The following AP1S1 variants were observed in gnomAD, a reference collection of about 807,000 sequenced individuals.
The protein encoded by AP1S1 is AP-1 complex subunit sigma-1A.
In AP1S1, 13 loss-of-function variants were observed where a neutral mutation model predicts 23.9. The observed-to-expected ratio is 0.54, with a 90% CI of 0.35 to 0.86. The LOEUF (loss-of-function observed/expected upper bound fraction) is 0.86. Among genes scored for constraint, AP1S1 ranks in the 40% least tolerant of loss-of-function variants. AP1S1 has a pLI of 0.01. For missense variants in AP1S1, 119 were observed against 197.6 expected (o/e 0.60, Z 2.38); for synonymous variants, 84 against 77.7 (o/e 1.08, Z -0.43).
Position 101,157,487 on chromosome 7 carries a change from T to A in AP1S1, c.291+2T>A, listed in dbSNP as rs1310110289. 7.7e-6 allele frequency: 12 copies of A among 1,550,586 alleles called. No individual in the cohort carries two copies. The Admixed American group carries it at 2.1e-4, about 28-fold the overall frequency. The stretch of plus-strand genomic sequence containing the variant: ...CTCTTAGACAAATACTTTGGCAGTG[T>A]AAGTCTCCTCTGCCCACCAGTTTCC... On this transcript the variant is annotated splice_donor_variant, in intron 3 of 4. Transcript: ENST00000337619. LOFTEE classifies it high-confidence loss of function.
chr7:101,154,786 G>C, intron 1 of AP1S1: 2 of 765,046 alleles, frequency 2.6e-6, no homozygotes, highest in Non-Finnish European at 3.9e-6. Context: ...GGGGCGCTCT[G>C]GTCTTGGCCC....
At chr7:101,158,991 C>T (rs776197730) in intron 3 of AP1S1, 68 bp from the exon 4 acceptor site, 20 of 1,582,662 alleles carry the variant, frequency 1.3e-5, no homozygotes, top group Middle Eastern at 1.7e-4. Flanking sequence ...GTGGGAGGCA[C>T]GGTCTTGAAA....
chr7:101,158,617 C>A (rs1797033123), intron 3 of AP1S1, among the ~76,000 whole-genome samples: 2 of 152,098 alleles, frequency 1.3e-5, no homozygotes, highest in Admixed American at 1.3e-4. Context: ...AAAACTGATC[C>A]AAGGCAAGGC....
At chr7:101,156,014 G>A (rs1796985938) in intron 1 of AP1S1, among the ~76,000 whole-genome samples, 1 of 152,162 alleles carries the variant, frequency 6.6e-6, no homozygotes, top group South Asian at 2.1e-4. Flanking sequence ...TGGATCACCT[G>A]AGGTCGGGAG....
chr7:101,160,825 T>G lies in AP1S1; in HGVS notation c.*259T>G. On this transcript the variant is annotated 3_prime_UTR_variant, in exon 5 of 5. Transcript: ENST00000337619. ...GACCCAGATGGGGGTGCTATTTGGC[T>G]TTTATTCCCTGCCTTTGCAGAACTG... The G allele has an allele frequency of 1.5e-6, 1 of 672,126 alleles. No homozygotes were observed. Among genetic ancestry groups the G allele is most frequent in the African/African-American group, 1.8e-5 (1 of 56,638 alleles). 41.6% of individuals were successfully genotyped at this position (672,126 alleles called of 1,614,324 possible).
intron 1 of AP1S1, among the ~76,000 whole-genome samples, chr7:101,155,969 G>T (rs1324322675): frequency 6.7e-6 from 1 of 149,542 alleles, no homozygotes; most frequent in Non-Finnish European, 1.5e-5. Flanking sequence ...AGTGGCTCAT[G>T]CCTTAATGCC....
chr7:101,156,563 AC>A, intron 1 of AP1S1, 30 bp from the exon 2 acceptor site: 1 of 1,592,822 alleles, frequency 6.3e-7, no homozygotes, highest in South Asian at 1.1e-5. Flanking sequence ...ATGTGTGGTT[AC>A]CCTCGGTTCT....
At chr7:101,154,784 C>G in intron 1 of AP1S1, 1 of 761,922 alleles carries the variant, frequency 1.3e-6, no homozygotes, top group Non-Finnish European at 2.0e-6. Flanking sequence ...GAGGGGCGCT[C>G]TGGTCTTGGC....
intron 1 of AP1S1, chr7:101,155,125 C>A: frequency 1.3e-6 from 1 of 786,854 alleles, no homozygotes; most frequent in Non-Finnish European, 1.5e-6. Context: ...CATTCTCTTT[C>A]CGGAATCCAG....
rs540905960 is a variant in AP1S1, at chr7:101,155,957, G to A, written c.4-637G>A. ...TAATAGTAATAACTAACGGCCGGGC[G>A]CAGTGGCTCATGCCTTAATGCCAGC... On this transcript the variant is annotated intron_variant, in intron 1 of 4. Coordinates refer to ENST00000337619, the MANE Select transcript of AP1S1 (RefSeq NM_001283.5). Among the ~76,000 whole-genome samples, 18 of 149,642 alleles carry A rather than the reference G, an allele frequency of 1.2e-4. No individual in the cohort carries two copies. In the South Asian group the frequency reaches 1.5e-3, roughly 12 times the overall value.
chr7:101,154,860 T>A, intron 1 of AP1S1: 1 of 872,042 alleles, frequency 1.1e-6, no homozygotes, highest in African/African-American at 1.8e-5. Context: ...GGAGTCTCTT[T>A]GCTGAGGGAG....
Position 101,157,388 on chromosome 7 carries a change from T to A in AP1S1, c.194T>A (p.Leu65His). 2 of 1,574,306 alleles carry A rather than the reference T, an allele frequency of 1.3e-6. No homozygotes were observed. The highest frequency in any genetic ancestry group is 1.7e-6 in the Non-Finnish European group (2 of 1,159,874). The stretch of plus-strand genomic sequence containing the variant: ...GCTCCTCTCCGCAGATATGCCAGCC[T>A]CTACTTCTGCTGCGCCATCGAGGGC... ...LKVVYKRYAS[L>H]YFCCAIEGQD... Residue 65 changes from leucine to histidine, a missense_variant, in exon 3 of 5, where the codon CTC becomes CAC. Transcript: ENST00000337619.
chr7:101,155,944 C>G (rs1796984952), intron 1 of AP1S1, among the ~76,000 whole-genome samples: 1 of 152,130 alleles, frequency 6.6e-6, no homozygotes, highest in Non-Finnish European at 1.5e-5. Context: ...ATAGTAATAA[C>G]TAACGGCCGG....
At chr7:101,157,258 C>A in intron 2 of AP1S1, 119 bp from the exon 3 acceptor site, 1 of 726,130 alleles carries the variant, frequency 1.4e-6, no homozygotes, top group Non-Finnish European at 2.3e-6. Context: ...GCCCTAGGGC[C>A]ACCTCACCTG....
At position 101,160,959 on chromosome 7, in the gene AP1S1, T is replaced by TACCTCC. The variant is rs4196; in HGVS notation, c.*397_*402dup. 190,489 of 358,014 alleles carry TACCTCC rather than the reference T, an allele frequency of 0.53. 52,676 individuals are homozygous for TACCTCC. The highest frequency in any genetic ancestry group is 0.61 in the Admixed American group (16,741 of 27,412). 22.2% of individuals were successfully genotyped at this position (358,014 alleles called of 1,614,324 possible). Reference sequence around the variant, plus strand: ...TTCTTGTCCTCTCTGTCCCATAACCTACCTCCACCCTCCCCCTAGCCAGCC... The same window carrying TACCTCC: ...TTCTTGTCCTCTCTGTCCCATAACCTACCTCCACCTCCACCCTCCCCCTAGCCAGCC... On this transcript the variant is annotated 3_prime_UTR_variant, in exon 5 of 5. Coordinates refer to ENST00000337619, the MANE Select transcript of AP1S1 (RefSeq NM_001283.5).
At position 101,154,560 on chromosome 7, in the gene AP1S1, T is replaced by C; in HGVS notation, c.3+43T>C. The C allele has an allele frequency of 2.7e-6, 4 of 1,495,858 alleles. No individual in the cohort carries two copies. In the South Asian group the frequency reaches 3.7e-5, roughly 14 times the overall value. 92.7% of individuals were successfully genotyped at this position (1,495,858 alleles called of 1,614,324 possible). On this transcript the variant is annotated intron_variant, in intron 1 of 4. Coordinates refer to ENST00000337619, the MANE Select transcript of AP1S1 (RefSeq NM_001283.5). ...GGAGGGGAGGGGGAAGCGAGGGGCG[T>C]GGGCTGCACCTGCGGGGGTCCTCGG...
chr7:101,159,369 A>G (rs1584205637), intron 4 of AP1S1, 173 bp downstream of exon 4: 3 of 896,828 alleles, frequency 3.3e-6, no homozygotes, highest in Admixed American at 3.1e-5. Context: ...CCCTGACCCC[A>G]TGGGGTGGGA....
At chr7:101,160,039 A>G (rs910874925) in intron 4 of AP1S1, among the ~76,000 whole-genome samples, 4 of 75,506 alleles carry the variant, frequency 5.3e-5, no homozygotes, top group Non-Finnish European at 1.1e-4. Context: ...TCGTGTCACC[A>G]GTGTTGCGCT....
At chr7:101,155,018 G>C (rs752121533) in intron 1 of AP1S1, 490 of 990,414 alleles carry the variant, frequency 4.9e-4, no homozygotes, top group Admixed American at 2.1e-3. Context: ...TTGCCTAGAG[G>C]CTGGGCCCAG....
Sources: gnomAD v4.1 joint callset for allele counts (sites outside exome capture counted in the v4.1 genomes callset) on GRCh38, gnomAD v4.1.1 for gene constraint, MANE v1.5 for transcripts, NCBI Gene and HGNC (gene_info 2026-07-23, HGNC 2026-07-21) for gene names.